The following PCLO variants were observed in gnomAD, a reference collection of about 807,000 sequenced individuals.
The protein encoded by PCLO is piccolo presynaptic cytomatrix protein.
PCLO carries 82 observed loss-of-function variants against 427.5 expected under a neutral mutation model. The ratio of observed to expected loss-of-function variants is 0.19; its 90% CI spans 0.16 to 0.23. The LOEUF (loss-of-function observed/expected upper bound fraction) is 0.23, where lower values mean the gene tolerates loss of function less well. PCLO is among the 10% of genes least tolerant of loss of function. PCLO has a pLI of 1.00. For synonymous variants in PCLO, 2,357 were observed against 2,155.4 expected (o/e 1.09, Z -2.59); for missense variants, 6,239 against 6,115.9 (o/e 1.02, Z -0.67).
chr7:82,912,619 A>G (rs530063113), intron 7 of PCLO, among the ~76,000 whole-genome samples: 6 of 152,164 alleles, frequency 3.9e-5, no homozygotes, highest in Non-Finnish European at 7.4e-5. Flanking sequence ...TATCATCTTT[A>G]CACACTTCAT....
intron 10 of PCLO, among the ~76,000 whole-genome samples, chr7:82,856,721 T>A (rs1792816443): frequency 6.6e-6 from 1 of 152,198 alleles, no homozygotes; most frequent in East Asian, 1.9e-4. Flanking sequence ...GTTAGAATGC[T>A]CAGAATGGAT....
intron 6 of PCLO, among the ~76,000 whole-genome samples, chr7:82,939,114 T>C (rs935136627): frequency 2.0e-5 from 3 of 152,148 alleles, no homozygotes; most frequent in Non-Finnish European, 4.4e-5. Context: ...AGACAGACTG[T>C]AGTGATTCTA....
chr7:82,955,984 C>T lies in PCLO; in HGVS notation c.4969G>A (p.Val1657Ile), dbSNP rs753474983. The T allele has an allele frequency of 4.3e-6, 7 of 1,613,552 alleles. No homozygotes were observed. In the South Asian group the frequency reaches 6.6e-5, roughly 15 times the overall value. ...CGTAGCCCTCCTCCTCCAGTAACTACAAGTTCTTCACTTTCCTGACTTTTA... is the reference window on the plus strand; with the variant it reads ...CGTAGCCCTCCTCCTCCAGTAACTATAAGTTCTTCACTTTCCTGACTTTTA... ...ETKSQESEEL[V>I]VTGGGGLRRF... The change falls in exon 5 of 25, where the codon GTA becomes ATA. Residue 1657 changes from valine (V) to isoleucine (I), a missense_variant. By Grantham distance (29) the Val-to-Ile change is conservative (BLOSUM62 3). Coordinates refer to ENST00000333891, the MANE Select transcript of PCLO (RefSeq NM_033026.6).
At chr7:82,967,537 T>C (rs1425733109) in intron 3 of PCLO, among the ~76,000 whole-genome samples, 1 of 152,260 alleles carries the variant, frequency 6.6e-6, no homozygotes, top group Non-Finnish European at 1.5e-5. Flanking sequence ...CTAAATCAAC[T>C]AATAGGGTCT....
intron 6 of PCLO, among the ~76,000 whole-genome samples, chr7:82,932,706 T>G (rs1024907628): frequency 1.3e-5 from 2 of 152,122 alleles, no homozygotes; most frequent in East Asian, 1.9e-4. Flanking sequence ...GGACTTCTGA[T>G]GACTTTTACT....
chr7:83,115,983 C>T (rs763025272), intron 3 of PCLO, among the ~76,000 whole-genome samples: 1 of 151,928 alleles, frequency 6.6e-6, no homozygotes, highest in African/African-American at 2.4e-5. Context: ...CACACACACA[C>T]ACGCACACAT....
At chr7:82,942,587 G>T (rs1233761827) in intron 6 of PCLO, among the ~76,000 whole-genome samples, 2 of 151,926 alleles carry the variant, frequency 1.3e-5, no homozygotes, top group Non-Finnish European at 2.9e-5. Context: ...AAACTTTCTG[G>T]TTTTGACTCA....
At chr7:82,777,262 A>G (rs561902075) in intron 22 of PCLO, among the ~76,000 whole-genome samples, 1 of 152,306 alleles carries the variant, frequency 6.6e-6, no homozygotes, top group East Asian at 1.9e-4. Flanking sequence ...GATGACACAA[A>G]CATATGGGAA....
At chr7:82,905,206 T>C (rs1447552482) in intron 8 of PCLO, among the ~76,000 whole-genome samples, 1 of 152,068 alleles carries the variant, frequency 6.6e-6, no homozygotes, top group Non-Finnish European at 1.5e-5. Flanking sequence ...TTATTGCCTA[T>C]AGGCCTCCCA....
Position 82,952,403 on chromosome 7 carries a change from T to C in PCLO, c.8550A>G (p.Glu2850=), listed in dbSNP as rs891536309. Residue 2850 remains glutamate, a synonymous_variant, in exon 5 of 25, where the codon GAA becomes GAG. Coordinates refer to ENST00000333891, the MANE Select transcript of PCLO (RefSeq NM_033026.6). ...SDQVFPIARE[E]APINLSLGTP... is the part of the protein sequence containing the mutation. ...TACCTAGAGATAAGTTTATTGGTGCTTCTTCCCTAGCTATAGGAAAGACCT... is the reference window on the plus strand; with the variant it reads ...TACCTAGAGATAAGTTTATTGGTGCCTCTTCCCTAGCTATAGGAAAGACCT... 1 of 1,613,800 alleles carries C rather than the reference T, an allele frequency of 6.2e-7. No homozygotes were observed. The highest frequency in any genetic ancestry group is 1.3e-5 in the African/African-American group (1 of 74,928).
In PCLO at chr7:82,974,918, A is replaced by G. The variant is rs147481507; in HGVS notation, c.3301-8431T>C. Among the ~76,000 whole-genome samples, 658 of 152,096 alleles carry G rather than the reference A, an allele frequency of 4.3e-3. 2 individuals are homozygous for G. Among genetic ancestry groups the G allele is most frequent in the African/African-American group, 0.015 (626 of 41,484 alleles). The stretch of plus-strand genomic sequence containing the variant: ...CTCAGCCTCCGGAGTAGCTGGGACT[A>G]CAGGTGCCCGCCACCATGCCCTGCT... On this transcript the variant is annotated intron_variant, in intron 3 of 24. Coordinates refer to ENST00000333891, the MANE Select transcript of PCLO (RefSeq NM_033026.6).
chr7:83,087,046 C>T (rs1424188041), intron 3 of PCLO, among the ~76,000 whole-genome samples: 2 of 122,312 alleles, frequency 1.6e-5, no homozygotes, highest in Non-Finnish European at 3.2e-5. Context: ...GGAAGGGGAA[C>T]GTCACGCACT....
intron 3 of PCLO, among the ~76,000 whole-genome samples, chr7:83,130,160 G>GTTA (rs1207572978): frequency 4.8e-5 from 7 of 146,538 alleles, no homozygotes; most frequent in Admixed American, 2.7e-4. Context: ...TGTTGTTGTT[G>GTTA]TTATTATTTG....
intron 3 of PCLO, among the ~76,000 whole-genome samples, chr7:83,092,387 T>C (rs973731516): frequency 8.4e-6 from 1 of 119,630 alleles, no homozygotes; most frequent in Non-Finnish European, 1.8e-5. Context: ...TGAAGACCCA[T>C]GGACCCGGCA....
chr7:82,940,202 G>T (rs181137640), intron 6 of PCLO, among the ~76,000 whole-genome samples: 1 of 152,162 alleles, frequency 6.6e-6, no homozygotes, highest in Non-Finnish European at 1.5e-5. Flanking sequence ...TTATAGGCTC[G>T]ACTCCTGCCA....
intron 16 of PCLO, among the ~76,000 whole-genome samples, chr7:82,828,609 A>G (rs1792011649): frequency 6.6e-6 from 1 of 152,200 alleles, no homozygotes. Context: ...CATCTGCATT[A>G]ATCCTTGACT....
chr7:82,783,375 G>A (rs1304624833), intron 22 of PCLO, among the ~76,000 whole-genome samples: 1 of 152,064 alleles, frequency 6.6e-6, no homozygotes, highest in East Asian at 1.9e-4. Flanking sequence ...AGCCCTTTGG[G>A]AGGCCGAGGC....
chr7:82,995,466 T>C (rs1403966529), intron 3 of PCLO, among the ~76,000 whole-genome samples: 1 of 152,006 alleles, frequency 6.6e-6, no homozygotes, highest in African/African-American at 2.4e-5. Flanking sequence ...AAGAAAGTGC[T>C]GGATTGTGGT....
Position 82,931,865 on chromosome 7 carries a change from CA to C in PCLO, c.11113-14993del, listed in dbSNP as rs147297086. 6.4e-3 allele frequency among the ~76,000 whole-genome samples: 980 copies of C among 152,092 alleles called. 9 individuals are homozygous for C. The highest frequency in any genetic ancestry group is 0.022 in the African/African-American group (927 of 41,504). ...AGGGGACTCCACAAGGGCATAAATA[CA>C]AGGATATAAGGTCGATTAGGAACCA... On this transcript the variant is annotated intron_variant, in intron 6 of 24. Coordinates refer to ENST00000333891, the MANE Select transcript of PCLO (RefSeq NM_033026.6).
Sources: allele counts gnomAD v4.1 joint callset (sites outside exome capture counted in the v4.1 genomes callset), GRCh38; gene constraint gnomAD v4.1.1; transcripts MANE v1.5; gene names NCBI Gene and HGNC (gene_info 2026-07-23, HGNC 2026-07-21).